The following LRP1B variants were observed in gnomAD, a reference collection of about 807,000 sequenced individuals.
The protein encoded by LRP1B is LDL receptor related protein 1B, also known as low-density lipoprotein receptor-related protein 1B.
Under a neutral mutation model 556.6 loss-of-function variants are expected in LRP1B, and 217 were observed. The observed-to-expected ratio is 0.39, with a 90% CI of 0.35 to 0.44. The LOEUF (loss-of-function observed/expected upper bound fraction) is 0.44. Among genes scored for constraint, LRP1B ranks in the 20% least tolerant of loss-of-function variants. The pLI is 1.00. For synonymous variants in LRP1B, 2,047 were observed against 1,865.8 expected (o/e 1.10, Z -2.50); for missense variants, 5,053 against 5,620.8 (o/e 0.90, Z 3.23).
chr2:141,807,080 A>G (rs544505569), intron 2 of LRP1B, among the ~76,000 whole-genome samples: 2 of 152,200 alleles, frequency 1.3e-5, no homozygotes, highest in South Asian at 2.1e-4. Flanking sequence ...TCCGTTGTTA[A>G]TATTTATCTT....
In LRP1B at chr2:140,250,039, C is replaced by T. The variant is rs561399267; in HGVS notation, c.13248-2877G>A. Among the ~76,000 whole-genome samples the T allele has an allele frequency of 2.0e-5, 3 of 151,966 alleles. No homozygotes were observed. The South Asian group carries it at 6.2e-4, about 31-fold the overall frequency. On this transcript the variant is annotated intron_variant, in intron 86 of 90. Coordinates refer to ENST00000389484, the MANE Select transcript of LRP1B (RefSeq NM_018557.3). ...TCAAGCAAAATCCATATTCCATGTG[C>T]TGGTCATCTTTAATCTGTACTATTG...
At chr2:140,378,571 T>C (rs1473521788) in intron 67 of LRP1B, among the ~76,000 whole-genome samples, 2 of 152,080 alleles carry the variant, frequency 1.3e-5, no homozygotes, top group Admixed American at 6.6e-5. Flanking sequence ...AGCCTGAAAA[T>C]GTACCTATTG....
At chr2:141,517,655 T>A (rs1225085403) in intron 2 of LRP1B, among the ~76,000 whole-genome samples, 1 of 152,200 alleles carries the variant, frequency 6.6e-6, no homozygotes, top group Non-Finnish European at 1.5e-5. Flanking sequence ...ACTGGTGTAT[T>A]TGTTTAAAAG....
chr2:140,427,200 T>C (rs1478160809), intron 66 of LRP1B, among the ~76,000 whole-genome samples: 3 of 151,940 alleles, frequency 2.0e-5, no homozygotes, highest in African/African-American at 7.2e-5. Context: ...TATTCACCCA[T>C]GTTCCATTGG....
At chr2:141,050,386 G>C (rs902215408) in intron 10 of LRP1B, among the ~76,000 whole-genome samples, 1 of 151,832 alleles carries the variant, frequency 6.6e-6, no homozygotes, top group African/African-American at 2.4e-5. Context: ...GTGCAGGTTT[G>C]TTACATAGAT....
chr2:140,438,163 C>T (rs1312981249), intron 66 of LRP1B, among the ~76,000 whole-genome samples: 5 of 152,212 alleles, frequency 3.3e-5, no homozygotes, highest in African/African-American at 1.2e-4. Context: ...ACTGCAGGTG[C>T]TAATTTTTAA....
At chr2:140,426,469 C>A (rs963206871) in intron 66 of LRP1B, among the ~76,000 whole-genome samples, 4 of 152,134 alleles carry the variant, frequency 2.6e-5, no homozygotes, top group Admixed American at 1.3e-4. Flanking sequence ...CCGGTTCCTG[C>A]CTTAACTGAT....
At chr2:141,467,061 C>T (rs73963094) in intron 3 of LRP1B, among the ~76,000 whole-genome samples, 15,125 of 140,982 alleles carry the variant, frequency 0.11, 956 homozygotes, top group African/African-American at 0.15. Flanking sequence ...CTCACTGGCT[C>T]CCCAGGATAT....
In LRP1B at chr2:141,751,854, A is replaced by G. The variant is rs150239642; in HGVS notation, c.205+58425T>C. 2.7e-5 allele frequency among the ~76,000 whole-genome samples: 4 copies of G among 150,550 alleles called. No homozygotes were observed. The Admixed American group carries it at 2.7e-4, about 10-fold the overall frequency. On this transcript the variant is annotated intron_variant, in intron 2 of 90. Coordinates refer to ENST00000389484, the MANE Select transcript of LRP1B (RefSeq NM_018557.3). ...ATAGTTTCATATTTTCATATCTAGT[A>G]TGACTGATTTTTTTTTATTTTAAGA...
At position 140,741,945 on chromosome 2, in the gene LRP1B, C is replaced by T. The variant is rs192892745; in HGVS notation, c.5759-25129G>A. On this transcript the variant is annotated intron_variant, in intron 35 of 90. Transcript: ENST00000389484. ...TCACTGCAAAGGACATGATCTCATT[C>T]TTTGTTATGGCTGCATCATATTCCA... is the stretch of plus-strand genomic sequence containing the variant. 4.9e-4 allele frequency among the ~76,000 whole-genome samples: 75 copies of T among 152,256 alleles called. 1 individual carries two copies. The East Asian group carries it at 0.011, about 23-fold the overall frequency.
chr2:141,047,710 C>T (rs1467573172), intron 11 of LRP1B, among the ~76,000 whole-genome samples: 3 of 152,086 alleles, frequency 2.0e-5, no homozygotes, highest in Non-Finnish European at 4.4e-5. Context: ...TCACTTTCGA[C>T]TCTCTTGTGC....
intron 77 of LRP1B, 34 bp downstream of exon 77, chr2:140,350,763 A>G: frequency 2.5e-6 from 4 of 1,596,262 alleles, no homozygotes; most frequent in Non-Finnish European, 3.4e-6. Flanking sequence ...GGGAAAAGGT[A>G]TGGACTTTCA....
rs142179730 is a variant in LRP1B at position 140,542,061 on chromosome 2, G to C, written c.7195-90C>G. 209 of 764,584 alleles carry C rather than the reference G, an allele frequency of 2.7e-4. No homozygotes were observed. The African/African-American group carries it at 3.2e-3, about 12-fold the overall frequency. 47.4% of individuals were successfully genotyped at this position (764,584 alleles called of 1,614,324 possible). A position where few individuals can be genotyped will look rare whatever the true frequency, so the allele number is the denominator to read the frequency against. ...TTTTTGCTTCAAAAATAAAAGATTA[G>C]GATTAGTTGGATTTAATTAACAGAA... is the stretch of plus-strand genomic sequence containing the variant. On this transcript the variant is annotated intron_variant, in intron 43 of 90. Coordinates refer to ENST00000389484, the MANE Select transcript of LRP1B (RefSeq NM_018557.3).
chr2:141,150,915 T>TGTGTGTGTGTGTGTGTG, intron 7 of LRP1B, among the ~76,000 whole-genome samples: 1 of 52,350 alleles, frequency 1.9e-5, no homozygotes, highest in African/African-American at 4.9e-5. Context: ...GTGTGTGTGT[T>TGTGTGTGTGTGTGTGTG]TGCCATGCTA....
intron 27 of LRP1B, among the ~76,000 whole-genome samples, chr2:140,861,366 C>T (rs185338354): frequency 6.6e-6 from 1 of 152,284 alleles, no homozygotes; most frequent in East Asian, 1.9e-4. Context: ...AAGATCGTGC[C>T]ACTGCACTCC....
chr2:140,536,870 A>G (rs1679923245), intron 45 of LRP1B, among the ~76,000 whole-genome samples, 161 bp from the exon 46 acceptor site: 1 of 151,954 alleles, frequency 6.6e-6, no homozygotes, highest in Admixed American at 6.6e-5. Context: ...TATGAAATTA[A>G]GATCTTAAGA....
At chr2:140,457,259 C>A in intron 61 of LRP1B, among the ~76,000 whole-genome samples, 1 of 152,124 alleles carries the variant, frequency 6.6e-6, no homozygotes, top group Non-Finnish European at 1.5e-5. Flanking sequence ...ATCCATAATT[C>A]TTTGTCCTAT....
intron 2 of LRP1B, among the ~76,000 whole-genome samples, chr2:141,642,144 T>C (rs998423109): frequency 1.3e-4 from 20 of 152,176 alleles, no homozygotes; most frequent in African/African-American, 4.8e-4. Context: ...TTAGAGTTTA[T>C]GCTATGACCT....
At chr2:141,403,155 C>G (rs1303905326) in intron 3 of LRP1B, among the ~76,000 whole-genome samples, 2 of 151,908 alleles carry the variant, frequency 1.3e-5, no homozygotes, top group South Asian at 4.2e-4. Flanking sequence ...TGTTAAAACT[C>G]AAAAAATAAG....
Sources: allele counts gnomAD v4.1 joint callset (sites outside exome capture counted in the v4.1 genomes callset), GRCh38; gene constraint gnomAD v4.1.1; transcripts MANE v1.5; gene names NCBI Gene and HGNC (gene_info 2026-07-23, HGNC 2026-07-21).